MIA3: variants seen among roughly 807,000 people sequenced by gnomAD.
The protein encoded by MIA3 is transport and Golgi organization protein 1 homolog.
Under a neutral mutation model 192.4 loss-of-function variants are expected in MIA3, and 90 were observed. That is an observed-to-expected ratio of 0.47 (90% CI 0.39 to 0.56). The LOEUF (loss-of-function observed/expected upper bound fraction) is 0.56. Among genes scored for constraint, MIA3 ranks in the 20% least tolerant of loss-of-function variants. The probability of loss-of-function intolerance (pLI) is 0.00; values close to 1 mark genes in which losing one functional copy is unlikely to be tolerated. For synonymous variants in MIA3, 740 were observed against 792.8 expected (o/e 0.93, Z 1.12); for missense variants, 2,123 against 2,269.4 (o/e 0.94, Z 1.31).
At chr1:222,631,850 G>C (rs1662410445) in intron 4 of MIA3, among the ~76,000 whole-genome samples, 1 of 152,206 alleles carries the variant, frequency 6.6e-6, no homozygotes, top group South Asian at 2.1e-4. Flanking sequence ...TCACATTTCT[G>C]CTCTTGAGTG....
chr1:222,623,949 A>C (rs1661992527), intron 2 of MIA3, among the ~76,000 whole-genome samples: 1 of 152,256 alleles, frequency 6.6e-6, no homozygotes, highest in African/African-American at 2.4e-5. Context: ...TACCTGTAAT[A>C]TCGTTTTGGA....
At position 222,662,049 on chromosome 1, in the gene MIA3, T is replaced by G; in HGVS notation, c.5114-7T>G. On this transcript the variant is annotated splice_polypyrimidine_tract_variant and splice_region_variant and intron_variant, in intron 24 of 27. Coordinates refer to ENST00000344922, the MANE Select transcript of MIA3 (RefSeq NM_198551.4). Reference sequence around the variant, plus strand: ...ACATATAAGGACTCTGTTATTTCTTTCTCAAGGATCAGTGGACGGGCCTCT... The same window carrying G: ...ACATATAAGGACTCTGTTATTTCTTGCTCAAGGATCAGTGGACGGGCCTCT... 6 of 1,611,664 alleles carry G rather than the reference T, an allele frequency of 3.7e-6. No individual in the cohort carries two copies. The highest frequency in any genetic ancestry group is 4.2e-6 in the Non-Finnish European group (5 of 1,178,300).
chr1:222,624,775 G>A lies in MIA3; in HGVS notation c.275G>A (p.Arg92His), dbSNP rs763708048. 11 of 1,547,072 alleles carry A rather than the reference G, an allele frequency of 7.1e-6. No homozygotes were observed. The highest frequency in any genetic ancestry group is 2.3e-5 in the East Asian group (1 of 44,366). Residue 92 changes from arginine (R) to histidine (H), a missense_variant, in exon 3 of 28, where the codon CGC becomes CAC. Physicochemically the swap from Arg to His is conservative, Grantham distance 29. This residue lies in a region of MIA3 where 1,357 missense variants were observed against 1,396.1 expected (regional missense o/e 0.97). Transcript: ENST00000344922. ...GCCCATTCTTTTGTGTAGGTTGGAC[G>A]CACTTTTGGATATTTTCCAAAAGAT... ...WPEVWAGSVG[R>H]TFGYFPKDLI...
In MIA3 at chr1:222,650,396, GTTTTT is replaced by G; in HGVS notation, c.3720+26_3720+30del. The G allele has an allele frequency of 8.3e-7, 1 of 1,204,008 alleles. No homozygotes were observed. Among genetic ancestry groups the G allele is most frequent in the Non-Finnish European group, 1.2e-6 (1 of 855,712 alleles). The allele number at this position is 1,204,008 out of a possible 1,614,324, so 74.6% of individuals were successfully genotyped here. A position where few individuals can be genotyped will look rare whatever the true frequency, so the allele number is the denominator to read the frequency against. ...TGAACAGAAGGTATGATTATTCTTT[GTTTTT>G]TTTTTTTTTCATGGTCCCAGCTTGA... On this transcript the variant is annotated intron_variant, in intron 9 of 27. Coordinates refer to ENST00000344922, the MANE Select transcript of MIA3 (RefSeq NM_198551.4).
intron 6 of MIA3, among the ~76,000 whole-genome samples, chr1:222,643,741 G>A (rs1662970492): frequency 6.6e-6 from 1 of 151,902 alleles, no homozygotes. Context: ...GTCCAGCCTG[G>A]GCAACATAGG....
In MIA3 at chr1:222,667,259, A is replaced by C. The variant is rs1664330528; in HGVS notation, c.*1640A>C. On this transcript the variant is annotated 3_prime_UTR_variant, in exon 28 of 28. Coordinates refer to ENST00000344922, the MANE Select transcript of MIA3 (RefSeq NM_198551.4). ...TTCAATCTATATGTCCTCCCGTTTAATATCAAGAATAGAAGAAATTAAGAG... is the reference window on the plus strand; with the variant it reads ...TTCAATCTATATGTCCTCCCGTTTACTATCAAGAATAGAAGAAATTAAGAG... 6.6e-6 allele frequency: 1 copy of C among 152,206 alleles called. No individual in the cohort carries two copies. Among genetic ancestry groups the C allele is most frequent in the Non-Finnish European group, 1.5e-5 (1 of 68,038 alleles). The allele number at this position is 152,206 out of a possible 1,614,324, so 9.4% of individuals were successfully genotyped here.
chr1:222,633,396 G>A, intron 6 of MIA3, 147 bp downstream of exon 6: 1 of 697,786 alleles, frequency 1.4e-6, no homozygotes, highest in Non-Finnish European at 2.4e-6. Flanking sequence ...AGCCACAGGT[G>A]TGTGGCTTTA....
At chr1:222,645,850 A>AGACGGAGTCTCGCTCTGTCGCCC (rs1429798403) in intron 7 of MIA3, 165 bp downstream of exon 7, 3 of 588,878 alleles carry the variant, frequency 5.1e-6, no homozygotes, top group East Asian at 9.3e-5. Context: ...GTAAATTCTT[A>AGACGGAGTCTCGCTCTGTCGCCC]AGTGAATAAG....
In MIA3 at chr1:222,659,717, A is replaced by G; in HGVS notation, c.4807-17A>G. The G allele has an allele frequency of 6.2e-7, 1 of 1,613,906 alleles. No homozygotes were observed. Among genetic ancestry groups the G allele is most frequent in the Admixed American group, 1.7e-5 (1 of 59,988 alleles). ...CATAGTCTCCCACAACTGAATTTGG[A>G]TATTTTTCTTCAATAGCTCAAAGCT... is the stretch of plus-strand genomic sequence containing the variant. On this transcript the variant is annotated splice_polypyrimidine_tract_variant and intron_variant, in intron 21 of 27. Transcript: ENST00000344922.
intron 7 of MIA3, 95 bp from the exon 8 acceptor site, chr1:222,648,734 T>C (rs1663272815): frequency 1.3e-6 from 1 of 772,976 alleles, no homozygotes; most frequent in African/African-American, 1.8e-5. Flanking sequence ...TATTAAATTC[T>C]CATTTGGTTA....
Position 222,629,854 on chromosome 1 carries a change from G to C in MIA3, c.2634G>C (p.Glu878Asp). ...AGCCTGAGGGAGAACTCTCAAAAGA[G>C]GACCATGAGAACACAGAGAAGTACA... ...AGEPEGELSK[E>D]DHENTEKYMG... The change falls in exon 4 of 28, where the codon GAG (glutamate) becomes GAC (aspartate). Residue 878 changes from glutamate to aspartate, a missense_variant. Glu to Asp is a conservative substitution (Grantham distance 45). Around this residue, in one of 3 missense-constraint regions of MIA3, gnomAD observed 1,357 missense variants for 1,396.1 expected, o/e 0.97. Transcript: ENST00000344922. The C allele has an allele frequency of 6.2e-7, 1 of 1,613,684 alleles. No homozygotes were observed. The highest frequency in any genetic ancestry group is 8.5e-7 in the Non-Finnish European group (1 of 1,179,916).
chr1:222,664,256 A>G lies in MIA3; in HGVS notation c.5413+108A>G, dbSNP rs571486621. ...GCGGGGCTTTGCAATGCAGCAGTGA[A>G]GCTGATTGAGTACACCGTAACTTTT... On this transcript the variant is annotated intron_variant, in intron 27 of 27. Coordinates refer to ENST00000344922, the MANE Select transcript of MIA3 (RefSeq NM_198551.4). The G allele has an allele frequency of 2.8e-5, 32 of 1,144,074 alleles. No individual in the cohort carries two copies. In the African/African-American group the frequency reaches 4.6e-4, roughly 16 times the overall value. 70.9% of individuals were successfully genotyped at this position (1,144,074 alleles called of 1,614,324 possible).
In MIA3 at chr1:222,663,942, T is replaced by C. The variant is rs978456469; in HGVS notation, c.5263-56T>C. On this transcript the variant is annotated intron_variant, in intron 26 of 27. Transcript: ENST00000344922. ...GGGTTTTAGTTTTTACTGGTGTTGG[T>C]GCTTTTGTCTGTCATACCATAGTAT... The C allele has an allele frequency of 2.7e-6, 4 of 1,506,442 alleles. No homozygotes were observed. The African/African-American group carries it at 5.6e-5, about 21-fold the overall frequency. The allele number at this position is 1,506,442 out of a possible 1,614,324, so 93.3% of individuals were successfully genotyped here. A position where few individuals can be genotyped will look rare whatever the true frequency, so the allele number is the denominator to read the frequency against.
At chr1:222,655,171 G>A (rs1025589324) in intron 18 of MIA3, among the ~76,000 whole-genome samples, 2 of 152,174 alleles carry the variant, frequency 1.3e-5, no homozygotes, top group African/African-American at 2.4e-5. Context: ...TGTATGACGT[G>A]TTTTAGTAGA....
Position 222,653,082 on chromosome 1 carries a change from T to C in MIA3, c.4161T>C (p.Ser1387=), listed in dbSNP as rs760983604. Residue 1387 remains serine (S), a synonymous_variant, in exon 14 of 28, where the codon TCT becomes TCC. Coordinates refer to ENST00000344922, the MANE Select transcript of MIA3 (RefSeq NM_198551.4). ...LSEQIKSFEK[S]QKDLEVALTH... ...AGCAAATCAAATCATTTGAGAAGTC[T>C]CAGAAAGATTTGGAAGTAGCTCTTA... 1 of 1,612,686 alleles carries C rather than the reference T, an allele frequency of 6.2e-7. No homozygotes were observed. Among genetic ancestry groups the C allele is most frequent in the South Asian group, 1.1e-5 (1 of 91,054 alleles).
intron 6 of MIA3, chr1:222,644,353 C>A: frequency 6.7e-7 from 1 of 1,489,124 alleles, no homozygotes; most frequent in South Asian, 1.3e-5. Context: ...CTGTGGAAGG[C>A]GAAGTTCAAT....
chr1:222,628,880 T>C lies in MIA3; in HGVS notation c.1660T>C (p.Ser554Pro). 3 of 1,614,150 alleles carry C rather than the reference T, an allele frequency of 1.9e-6. No homozygotes were observed. The highest frequency in any genetic ancestry group is 2.5e-6 in the Non-Finnish European group (3 of 1,180,036). The change falls in exon 4 of 28, where the codon TCA becomes CCA. Residue 554 changes from serine (S) to proline (P), a missense_variant. Around this residue, in one of 3 missense-constraint regions of MIA3, gnomAD observed 1,357 missense variants for 1,396.1 expected, o/e 0.97. Coordinates refer to ENST00000344922, the MANE Select transcript of MIA3 (RefSeq NM_198551.4). ...TGGAGAGCAGATTTTGGAAGGTGGC[T>C]CAGAGAGTGAATCTGCACAGAAAGC... Reference protein sequence around the residue: ...KPGEQILEGGSESESAQKAAG... With the variant: ...KPGEQILEGGPESESAQKAAG...
intron 6 of MIA3, among the ~76,000 whole-genome samples, chr1:222,644,063 G>C (rs1027626864): frequency 1.3e-5 from 2 of 152,220 alleles, no homozygotes; most frequent in African/African-American, 4.8e-5. Context: ...CTTTTCCCCA[G>C]CTGCCGCCCA....
At position 222,667,206 on chromosome 1, in the gene MIA3, A is replaced by T. The variant is rs1664328831; in HGVS notation, c.*1587A>T. On this transcript the variant is annotated 3_prime_UTR_variant, in exon 28 of 28. Coordinates refer to ENST00000344922, the MANE Select transcript of MIA3 (RefSeq NM_198551.4). ...GACAACTCTGTCAAAGTTCATAAGG[A>T]ATATAAAAATTCTTCAGGAAAAGAG... 1 of 152,222 alleles carries T rather than the reference A, an allele frequency of 6.6e-6. No homozygotes were observed. Among genetic ancestry groups the T allele is most frequent in the African/African-American group, 2.4e-5 (1 of 41,468 alleles). The allele number at this position is 152,222 out of a possible 1,614,324, so 9.4% of individuals were successfully genotyped here.
Sources: gnomAD v4.1 joint callset for allele counts (sites outside exome capture counted in the v4.1 genomes callset) on GRCh38, gnomAD v4.1.1 for gene constraint, gnomAD v4.1.1 regional missense constraint, MANE v1.5 for transcripts, NCBI Gene and HGNC (gene_info 2026-07-23, HGNC 2026-07-21) for gene names.